Variants in NFIA observed in about 807,000 individuals in gnomAD.
NFIA encodes nuclear factor 1 A-type.
A neutral mutation model predicts 62.8 loss-of-function variants in NFIA; 8 were observed. That is an observed-to-expected ratio of 0.13 (90% CI 0.07 to 0.23). NFIA has a LOEUF of 0.23. Ranked by LOEUF, NFIA falls within the 10% of genes least tolerant of loss-of-function variation. The pLI, the probability that NFIA is intolerant of heterozygous loss-of-function variation, is 1.00. For missense variants in NFIA, 410 were observed against 642.1 expected (o/e 0.64, Z 3.91); for synonymous variants, 235 against 238.1 (o/e 0.99, Z 0.12).
At chr1:61,346,811 A>C (rs553339287) in intron 4 of NFIA, among the ~76,000 whole-genome samples, 7 of 152,296 alleles carry the variant, frequency 4.6e-5, no homozygotes, top group Admixed American at 4.6e-4. Flanking sequence ...AAGAGGTTTA[A>C]TTGACTCACA....
chr1:61,334,312 C>T (rs189373253), intron 4 of NFIA, among the ~76,000 whole-genome samples: 7 of 151,866 alleles, frequency 4.6e-5, no homozygotes, highest in African/African-American at 9.7e-5. Context: ...AAGTACCAAC[C>T]GGTTAAGTAG....
intron 2 of NFIA, among the ~76,000 whole-genome samples, chr1:61,215,013 A>G (rs1448204701): frequency 1.3e-5 from 2 of 151,794 alleles, no homozygotes; most frequent in Admixed American, 6.5e-5. Context: ...ACAGGACTTC[A>G]TAGTACCACT....
chr1:61,406,494 A>C, intron 8 of NFIA, 68 bp from the exon 9 acceptor site: 1 of 1,342,330 alleles, frequency 7.4e-7, no homozygotes, highest in Admixed American at 2.0e-5. Flanking sequence ...TTTCAGAAGC[A>C]GCTAATGGTT....
At position 61,458,107 on chromosome 1, in the gene NFIA, C is replaced by T. The variant is rs2100599219; in HGVS notation, c.*2787C>T. The T allele has an allele frequency of 6.6e-6, 1 of 151,754 alleles. No individual in the cohort carries two copies. The highest frequency in any genetic ancestry group is 1.9e-4 in the East Asian group (1 of 5,152). 9.4% of individuals were successfully genotyped at this position (151,754 alleles called of 1,614,324 possible). On this transcript the variant is annotated 3_prime_UTR_variant, in exon 11 of 11. Transcript: ENST00000403491. ...GTGTGATTGTCAGTGTATGGTGTCA[C>T]TTCCTATAGCCAGCCAGCATACTTT...
chr1:61,435,317 T>C (rs774218076), intron 10 of NFIA, among the ~76,000 whole-genome samples: 4 of 152,174 alleles, frequency 2.6e-5, no homozygotes, highest in Non-Finnish European at 5.9e-5. Flanking sequence ...ATCTACCTCA[T>C]AGAAGAAACC....
intron 3 of NFIA, among the ~76,000 whole-genome samples, chr1:61,327,036 A>T (rs28448422): frequency 0.7 from 103,103 of 147,620 alleles, 36,222 homozygotes; most frequent in South Asian, 0.85. Flanking sequence ...AAGAAAAAAA[A>T]ATATATATAT....
chr1:61,348,101 T>A (rs1257262168), intron 4 of NFIA, among the ~76,000 whole-genome samples: 2 of 152,198 alleles, frequency 1.3e-5, no homozygotes, highest in Non-Finnish European at 2.9e-5. Flanking sequence ...AAAAGCTCTT[T>A]CTGTTCTCCA....
At chr1:61,111,765 G>A (rs1478155024) in intron 2 of NFIA, among the ~76,000 whole-genome samples, 2 of 152,028 alleles carry the variant, frequency 1.3e-5, no homozygotes, top group Non-Finnish European at 1.5e-5. Context: ...GTTAATGTCC[G>A]TTACTGCTAG....
upstream of NFIA, chr1:61,082,431 G>C: frequency 2.0e-6 from 2 of 1,017,418 alleles, no homozygotes; most frequent in Non-Finnish European, 2.4e-6. Context: ...GCAGAGCGGA[G>C]GCGGAGGCGG....
intron 2 of NFIA, among the ~76,000 whole-genome samples, chr1:61,114,949 AATATAT>A (rs768782646): frequency 1.3e-5 from 2 of 151,974 alleles, no homozygotes; most frequent in Admixed American, 1.3e-4. Flanking sequence ...ACATTAAGTG[AATATAT>A]ATATATTTGT....
chr1:61,083,493 A>G (rs564649316), intron 1 of NFIA, among the ~76,000 whole-genome samples: 1 of 151,968 alleles, frequency 6.6e-6, no homozygotes, highest in Non-Finnish European at 1.5e-5. Context: ...CGCCCCTCGG[A>G]CGCGGGCAGG....
chr1:61,211,531 T>C (rs1307751410), intron 2 of NFIA, among the ~76,000 whole-genome samples: 1 of 152,228 alleles, frequency 6.6e-6, no homozygotes, highest in East Asian at 1.9e-4. Context: ...ATTTTTATCA[T>C]TGCCGTTTTA....
intron 2 of NFIA, among the ~76,000 whole-genome samples, chr1:61,160,259 C>T (rs554121125): frequency 3.3e-5 from 5 of 152,306 alleles, no homozygotes; most frequent in African/African-American, 1.2e-4. Context: ...AGTTGCAAGA[C>T]TAGCAGCATC....
rs1357855364 is a variant in NFIA at position 61,082,696 on chromosome 1, CTT to C, written c.-95_-94del. On this transcript the variant is annotated 5_prime_UTR_variant, in exon 1 of 11. Transcript: ENST00000403491. ...CTTCTCTCTCTCTCTCTCTCTCTCT[CTT>C]CCTCTCTCCCTCTTTCTCCTCTCTC... is the stretch of plus-strand genomic sequence containing the variant. 20 of 1,530,490 alleles carry C rather than the reference CTT, an allele frequency of 1.3e-5. No individual in the cohort carries two copies. Among genetic ancestry groups the C allele is most frequent in the Middle Eastern group, 1.7e-4 (1 of 5,936 alleles). 94.8% of individuals were successfully genotyped at this position (1,530,490 alleles called of 1,614,324 possible). A position where few individuals can be genotyped will look rare whatever the true frequency, so the allele number is the denominator to read the frequency against.
chr1:61,150,925 G>A (rs549026177), intron 2 of NFIA, among the ~76,000 whole-genome samples: 1 of 152,288 alleles, frequency 6.6e-6, no homozygotes, highest in African/African-American at 2.4e-5. Context: ...AGTGGAGAGG[G>A]TGATTGGAGG....
chr1:61,205,942 T>G (rs1299521823), intron 2 of NFIA, among the ~76,000 whole-genome samples: 8 of 141,176 alleles, frequency 5.7e-5, no homozygotes, highest in Admixed American at 4.5e-4. Flanking sequence ...AGACAGGGTC[T>G]TGCTTGCTGT....
Position 61,367,565 on chromosome 1 carries a change from C to A in NFIA, c.946+8291C>A, listed in dbSNP as rs1204557946. On this transcript the variant is annotated intron_variant, in intron 6 of 10. Transcript: ENST00000403491. Reference sequence around the variant, plus strand: ...ACACCAGGGGACATTGGTACAGTAACAAGGGGCCTCTTCTTTACGAACCCT... The same window carrying A: ...ACACCAGGGGACATTGGTACAGTAAAAAGGGGCCTCTTCTTTACGAACCCT... Among the ~76,000 whole-genome samples the A allele has an allele frequency of 2.0e-5, 3 of 152,188 alleles. No individual in the cohort carries two copies. The East Asian group carries it at 5.8e-4, about 29-fold the overall frequency.
chr1:61,194,248 G>A (rs533383737), intron 2 of NFIA, among the ~76,000 whole-genome samples: 4 of 152,160 alleles, frequency 2.6e-5, no homozygotes, highest in Non-Finnish European at 5.9e-5. Context: ...AGATAAGTTA[G>A]GGAAGTGCTC....
Position 61,098,614 on chromosome 1 carries a change from T to C in NFIA, c.559+9934T>C, listed in dbSNP as rs144470383. Reference sequence around the variant, plus strand: ...TGTCAGGGAAAGATAGTCATTGCAGTACTTTTATTGTATGGCCTCTTAATA... The same window carrying C: ...TGTCAGGGAAAGATAGTCATTGCAGCACTTTTATTGTATGGCCTCTTAATA... On this transcript the variant is annotated intron_variant, in intron 2 of 10. Coordinates refer to ENST00000403491, the MANE Select transcript of NFIA (RefSeq NM_001134673.4). Among the ~76,000 whole-genome samples, 28 of 152,356 alleles carry C rather than the reference T, an allele frequency of 1.8e-4. No individual in the cohort carries two copies. In the East Asian group the frequency reaches 4.6e-3, roughly 25 times the overall value.
Sources: allele counts gnomAD v4.1 joint callset (sites outside exome capture counted in the v4.1 genomes callset), GRCh38; gene constraint gnomAD v4.1.1; transcripts MANE v1.5; gene names NCBI Gene and HGNC (gene_info 2026-07-23, HGNC 2026-07-21).